Variants in MYT1L observed in about 807,000 individuals in gnomAD.
The protein encoded by MYT1L is myelin transcription factor 1 like.
Under a neutral mutation model 126.7 loss-of-function variants are expected in MYT1L, and 12 were observed. That is an observed-to-expected ratio of 0.09 (90% confidence interval 0.06 to 0.15). The LOEUF is 0.15. MYT1L is among the 10% of genes least tolerant of loss of function. MYT1L has a pLI of 1.00. For missense variants in MYT1L, 979 were observed against 1,585.2 expected (o/e 0.62, Z 6.49); for synonymous variants, 541 against 604.2 (o/e 0.90, Z 1.53).
At chr2:1,938,545 G>A (rs2056268496) in intron 9 of MYT1L, among the ~76,000 whole-genome samples, 1 of 152,190 alleles carries the variant, frequency 6.6e-6, no homozygotes, top group Admixed American at 6.5e-5. Flanking sequence ...AATCTGAAAT[G>A]AGTTTCTCAG....
intron 19 of MYT1L, among the ~76,000 whole-genome samples, chr2:1,849,630 GC>G (rs1206116647): frequency 1.3e-5 from 2 of 152,230 alleles, no homozygotes; most frequent in Non-Finnish European, 2.9e-5. Context: ...GCGGAGGACG[GC>G]CCCCACGGCA....
intron 2 of MYT1L, among the ~76,000 whole-genome samples, chr2:2,232,247 AAAG>A (rs1484853590): frequency 6.6e-6 from 1 of 152,194 alleles, no homozygotes; most frequent in Non-Finnish European, 1.5e-5. Context: ...AAAAGGCAGA[AAAG>A]GAGAGGTGGG....
Position 1,869,860 on chromosome 2 carries a change from G to A in MYT1L, c.2711+16679C>T, listed in dbSNP as rs531072769. On this transcript the variant is annotated intron_variant, in intron 18 of 24. Transcript: ENST00000647738. ...GCTCCCAAGGCTGTTTGAATCTGGG[G>A]CCAGTGTCTGCTCACTATACCACAC... Among the ~76,000 whole-genome samples, 137 of 152,308 alleles carry A rather than the reference G, an allele frequency of 9.0e-4. 2 individuals are homozygous for A. The South Asian group carries it at 0.028, about 31-fold the overall frequency.
intron 3 of MYT1L, among the ~76,000 whole-genome samples, chr2:2,073,334 G>A (rs1442591494): frequency 6.6e-6 from 1 of 150,750 alleles, no homozygotes; most frequent in African/African-American, 2.4e-5. Flanking sequence ...GAAGAAGAAG[G>A]GCCACCTAAT....
At chr2:2,096,189 T>G (rs765650131) in intron 3 of MYT1L, among the ~76,000 whole-genome samples, 10 of 152,234 alleles carry the variant, frequency 6.6e-5, no homozygotes, top group African/African-American at 1.2e-4. Flanking sequence ...TTTCTATTCT[T>G]CTTTCCTTTT....
intron 3 of MYT1L, among the ~76,000 whole-genome samples, chr2:2,118,613 T>G (rs2080535517): frequency 6.6e-6 from 1 of 152,222 alleles, no homozygotes; most frequent in Admixed American, 6.5e-5. Context: ...TTCCTCAAAT[T>G]TTAAAATCGA....
At position 2,168,478 on chromosome 2, in the gene MYT1L, G is replaced by A. The variant is rs563715256; in HGVS notation, c.-304+4394C>T. On this transcript the variant is annotated intron_variant, in intron 3 of 24. Coordinates refer to ENST00000647738, the MANE Select transcript of MYT1L (RefSeq NM_001303052.2). ...TACTGCAGGTCCTTGCACATCAGCT[G>A]TTTCTAAATTGTGAGCAAATGAAAA... Among the ~76,000 whole-genome samples the A allele has an allele frequency of 2.0e-5, 3 of 152,294 alleles. No individual in the cohort carries two copies. The South Asian group carries it at 6.2e-4, about 32-fold the overall frequency.
At position 1,999,962 on chromosome 2, in the gene MYT1L, T is replaced by C. The variant is rs990848090; in HGVS notation, c.-157-2615A>G. Among the ~76,000 whole-genome samples the C allele has an allele frequency of 3.3e-5, 5 of 152,362 alleles. No individual in the cohort carries two copies. The East Asian group carries it at 5.8e-4, about 18-fold the overall frequency. ...TTGTCATATAAAGCATGCTCATTGG[T>C]GGGATTTTATGAACAATAACCTTAT... is the stretch of plus-strand genomic sequence containing the variant. On this transcript the variant is annotated intron_variant, in intron 4 of 24. Coordinates refer to ENST00000647738, the MANE Select transcript of MYT1L (RefSeq NM_001303052.2).
chr2:2,165,220 A>G (rs1559198012), intron 3 of MYT1L, among the ~76,000 whole-genome samples: 1 of 152,186 alleles, frequency 6.6e-6, no homozygotes. Flanking sequence ...AAGGAAATGG[A>G]TGCAGTAAGG....
intron 5 of MYT1L, among the ~76,000 whole-genome samples, chr2:1,983,163 C>T (rs2060735035): frequency 6.6e-6 from 1 of 152,188 alleles, no homozygotes; most frequent in South Asian, 2.1e-4. Flanking sequence ...GGGTCAGACT[C>T]TCTGTTCCCT....
chr2:1,982,345 G>A (rs1021901628), intron 5 of MYT1L, among the ~76,000 whole-genome samples: 1 of 152,164 alleles, frequency 6.6e-6, no homozygotes, highest in African/African-American at 2.4e-5. Context: ...AGATAATGGG[G>A]TAAAATCGTA....
chr2:2,260,605 C>T (rs1277702624), intron 2 of MYT1L, among the ~76,000 whole-genome samples: 7 of 152,104 alleles, frequency 4.6e-5, no homozygotes, highest in African/African-American at 1.4e-4. Context: ...TTCGACCTTT[C>T]TGTTTTACGT....
At chr2:1,885,193 T>A (rs1195384543) in intron 18 of MYT1L, 3 of 152,256 alleles carry the variant, frequency 2.0e-5, no homozygotes, top group Non-Finnish European at 4.4e-5. Context: ...AAGTTCCAAG[T>A]GGAGTTAGTC....
At chr2:2,196,818 A>C (rs2092819163) in intron 2 of MYT1L, among the ~76,000 whole-genome samples, 1 of 152,022 alleles carries the variant, frequency 6.6e-6, no homozygotes, top group Admixed American at 6.6e-5. Flanking sequence ...AAAGGAGGAA[A>C]ATTAGAAAAT....
At chr2:1,855,051 C>T (rs1374131673) in intron 18 of MYT1L, among the ~76,000 whole-genome samples, 4 of 152,212 alleles carry the variant, frequency 2.6e-5, no homozygotes, top group African/African-American at 9.6e-5. Flanking sequence ...TCAAGGGTTC[C>T]TCCTTCCAAC....
chr2:1,920,311 C>G lies in MYT1L; in HGVS notation c.1483+1975G>C, dbSNP rs886673795. ...TTTTCTTGCAAACAAAACAAAACAA[C>G]AAAACAAAAAACAAAACGAGTCAAA... On this transcript the variant is annotated intron_variant, in intron 10 of 24. Coordinates refer to ENST00000647738, the MANE Select transcript of MYT1L (RefSeq NM_001303052.2). Among the ~76,000 whole-genome samples, 29 of 152,126 alleles carry G rather than the reference C, an allele frequency of 1.9e-4. 1 individual carries two copies. The highest frequency in any genetic ancestry group is 4.0e-4 in the Non-Finnish European group (27 of 68,012).
chr2:2,143,079 A>G (rs1014434033), intron 3 of MYT1L, among the ~76,000 whole-genome samples: 1 of 151,130 alleles, frequency 6.6e-6, no homozygotes, highest in African/African-American at 2.4e-5. Flanking sequence ...TCATGAGGTC[A>G]GGAGATTGAG....
At chr2:2,111,047 C>T (rs1453970516) in intron 3 of MYT1L, among the ~76,000 whole-genome samples, 1 of 152,190 alleles carries the variant, frequency 6.6e-6, no homozygotes, top group Non-Finnish European at 1.5e-5. Context: ...TTCCCTTGGC[C>T]AGGAGCTATT....
At position 1,801,614 on chromosome 2, in the gene MYT1L, C is replaced by G. The variant is rs540423618; in HGVS notation, c.3276+82G>C. On this transcript the variant is annotated intron_variant, in intron 23 of 24. Coordinates refer to ENST00000647738, the MANE Select transcript of MYT1L (RefSeq NM_001303052.2). The surrounding 1 kb of genome is among the most constrained non-coding windows in gnomAD (Gnocchi z 4.2). ...GCAAATAAGAGGAAACGACAGCTCT[C>G]CTAAAAGCTGATTTCATGCCATGTA... The G allele has an allele frequency of 1.2e-6, 1 of 854,308 alleles. No individual in the cohort carries two copies. Among genetic ancestry groups the G allele is most frequent in the Admixed American group, 2.3e-5 (1 of 43,784 alleles). The allele number at this position is 854,308 out of a possible 1,614,324, so 52.9% of individuals were successfully genotyped here.
Sources: gnomAD v4.1 joint callset for allele counts (sites outside exome capture counted in the v4.1 genomes callset) on GRCh38, gnomAD v4.1.1 for gene constraint, Gnocchi (gnomAD v3.1) non-coding constraint, MANE v1.5 for transcripts, NCBI Gene and HGNC (gene_info 2026-07-23, HGNC 2026-07-21) for gene names.